The following DYRK4 variants were observed in gnomAD, a reference collection of about 807,000 sequenced individuals.
The protein encoded by DYRK4 is dual specificity tyrosine-phosphorylation-regulated kinase 4.
DYRK4 carries 64 observed loss-of-function variants against 68.3 expected under a neutral mutation model. The observed-to-expected ratio is 0.94, with a 90% confidence interval of 0.77 to 1.15. The LOEUF (loss-of-function observed/expected upper bound fraction) is 1.15, where lower values mean the gene tolerates loss of function less well. DYRK4 is among the 50% of genes most tolerant of loss of function. The pLI is 0.00. For synonymous variants in DYRK4, 274 were observed against 289.9 expected, an observed-to-expected ratio of 0.95 and a Z score of 0.56; for missense variants, 740 against 764.7, an observed-to-expected ratio of 0.97 and a Z score of 0.38.
At chr12:4,563,064 T>A (rs1565530046) in intron 1 of DYRK4, 1 of 456,046 alleles carries the variant, frequency 2.2e-6, no homozygotes, top group Admixed American at 2.3e-5. Context: ...CAGGCTTAAG[T>A]GGAGACTCGG....
In DYRK4 at chr12:4,599,125, A is replaced by T; in HGVS notation, c.1003A>T (p.Met335Leu). Residue 335 changes from methionine to leucine, a missense_variant, in exon 9 of 15, where the codon ATG (methionine) becomes TTG (leucine). Physicochemically the swap from Met to Leu is conservative, Grantham distance 15. This residue lies in a region of DYRK4 where 614 missense variants were observed against 603.7 expected (regional missense o/e 1.02). Coordinates refer to ENST00000543431, the MANE Select transcript of DYRK4 (RefSeq NM_001394779.1). ...FTLSVLKCLQ[M>L]LSVEKIIHCD... The stretch of plus-strand genomic sequence containing the variant: ...TCTCTCTGTTTTGAAGTGCTTGCAG[A>T]TGCTTTCGGTAGAGAAAATCATTCA... 6.2e-7 allele frequency: 1 copy of T among 1,614,146 alleles called. No individual in the cohort carries two copies. Among genetic ancestry groups the T allele is most frequent in the South Asian group, 1.1e-5 (1 of 91,078 alleles).
chr12:4,567,946 C>T lies in DYRK4; in HGVS notation c.39-9C>T, dbSNP rs748547911. On this transcript the variant is annotated splice_polypyrimidine_tract_variant and intron_variant, in intron 1 of 14. Coordinates refer to ENST00000543431, the MANE Select transcript of DYRK4 (RefSeq NM_001394779.1). Reference sequence around the variant, plus strand: ...CCTGCCAATTTATTTTTTACTTTCCCTCATGCAGGACTCAAATGGATGCTA... The same window carrying T: ...CCTGCCAATTTATTTTTTACTTTCCTTCATGCAGGACTCAAATGGATGCTA... 1.3e-6 allele frequency: 2 copies of T among 1,535,290 alleles called. No homozygotes were observed. Among genetic ancestry groups the T allele is most frequent in the East Asian group, 2.4e-5 (1 of 40,912 alleles).
chr12:4,569,271 TA>T (rs1218094133), intron 2 of DYRK4, among the ~76,000 whole-genome samples: 2 of 152,164 alleles, frequency 1.3e-5, no homozygotes, highest in Non-Finnish European at 2.9e-5. Context: ...TTTGATAAAA[TA>T]AAAATTACTG....
At chr12:4,589,840 A>G (rs1205452116) in intron 3 of DYRK4, among the ~76,000 whole-genome samples, 1 of 152,212 alleles carries the variant, frequency 6.6e-6, no homozygotes, top group Non-Finnish European at 1.5e-5. Context: ...GGTCAAGTCA[A>G]TAATGTAGTC....
chr12:4,568,243 T>A (rs929901732), intron 2 of DYRK4, among the ~76,000 whole-genome samples, 195 bp downstream of exon 2: 5 of 152,190 alleles, frequency 3.3e-5, no homozygotes, highest in Non-Finnish European at 7.3e-5. Context: ...GGCAAGGCCT[T>A]AATCTAACAG....
At chr12:4,590,810 C>T in intron 4 of DYRK4, 1 of 406,074 alleles carries the variant, frequency 2.5e-6, no homozygotes, top group East Asian at 3.9e-5. Context: ...GCGTCACACA[C>T]ACATAAGTCC....
chr12:4,580,634 C>G (rs1250115378), intron 2 of DYRK4, among the ~76,000 whole-genome samples: 2 of 152,156 alleles, frequency 1.3e-5, no homozygotes. Context: ...GAGTTTGTTT[C>G]TTTCTCCTGG....
intron 2 of DYRK4, among the ~76,000 whole-genome samples, chr12:4,584,344 T>C (rs1458645805): frequency 6.6e-6 from 1 of 152,182 alleles, no homozygotes; most frequent in East Asian, 1.9e-4. Context: ...AACTCAGTGA[T>C]TCTGTGCATC....
chr12:4,592,986 A>C lies in DYRK4; in HGVS notation c.464-16A>C. 6.2e-7 allele frequency: 1 copy of C among 1,610,390 alleles called. No individual in the cohort carries two copies. Among genetic ancestry groups the C allele is most frequent in the East Asian group, 2.2e-5 (1 of 44,812 alleles). ...CTGCCTCAACTGAACTCACAATTGT[A>C]GTGTTTTTCACACAGAGGCCCTAAA... On this transcript the variant is annotated splice_polypyrimidine_tract_variant and intron_variant, in intron 5 of 14. Coordinates refer to ENST00000543431, the MANE Select transcript of DYRK4 (RefSeq NM_001394779.1).
chr12:4,573,283 G>C (rs1944751201), intron 2 of DYRK4: 1 of 1,284,352 alleles, frequency 7.8e-7, no homozygotes, highest in Non-Finnish European at 1.0e-6. Context: ...GAATGGATTT[G>C]GGGTCCTGAA....
intron 2 of DYRK4, among the ~76,000 whole-genome samples, chr12:4,582,580 C>T (rs945550633): frequency 1.3e-5 from 2 of 152,152 alleles, no homozygotes; most frequent in Non-Finnish European, 2.9e-5. Context: ...CACAGGGTAG[C>T]GAGTGGCTTA....
Position 4,596,197 on chromosome 12 carries a change from G to C in DYRK4, c.676G>C (p.Gly226Arg), listed in dbSNP as rs1240571226. ...AYRYEVLETI[G>R]KGSFGQVAKC... ...CCGCTATGAAGTTCTGGAGACAATCGGGAAGGGGTCCTTTGGACAGGTGGC... is the reference window on the plus strand; with the variant it reads ...CCGCTATGAAGTTCTGGAGACAATCCGGAAGGGGTCCTTTGGACAGGTGGC... Residue 226 changes from glycine (G) to arginine (R), a missense_variant, in exon 7 of 15, where the codon GGG becomes CGG. Around this residue, in one of 3 missense-constraint regions of DYRK4, gnomAD observed 614 missense variants for 603.7 expected, o/e 1.02. Coordinates refer to ENST00000543431, the MANE Select transcript of DYRK4 (RefSeq NM_001394779.1). 6.2e-7 allele frequency: 1 copy of C among 1,614,164 alleles called. No individual in the cohort carries two copies. Among genetic ancestry groups the C allele is most frequent in the Non-Finnish European group, 8.5e-7 (1 of 1,180,026 alleles).
chr12:4,597,710 C>T (rs1945034189), intron 8 of DYRK4, among the ~76,000 whole-genome samples: 1 of 152,094 alleles, frequency 6.6e-6, no homozygotes, highest in Admixed American at 6.5e-5. Context: ...CAGGATGGGG[C>T]CAGAGCCAAG....
intron 12 of DYRK4, among the ~76,000 whole-genome samples, chr12:4,608,061 G>A (rs1291808239): frequency 6.6e-6 from 1 of 152,116 alleles, no homozygotes; most frequent in African/African-American, 2.4e-5. Context: ...TGGAAGGATG[G>A]GTCGACAAGG....
intron 6 of DYRK4, among the ~76,000 whole-genome samples, chr12:4,594,986 TG>T (rs1418115939): frequency 2.0e-5 from 3 of 152,260 alleles, no homozygotes; most frequent in African/African-American, 4.8e-5. Flanking sequence ...AAATGGTTTT[TG>T]CTTCAAGTAA....
intron 2 of DYRK4, among the ~76,000 whole-genome samples, chr12:4,571,689 TTA>T (rs780702466): frequency 6.6e-6 from 1 of 152,252 alleles, no homozygotes; most frequent in African/African-American, 2.4e-5. Flanking sequence ...TTTTATATGT[TTA>T]TATGTTAAAA....
At chr12:4,582,997 G>A (rs1312325586) in intron 2 of DYRK4, among the ~76,000 whole-genome samples, 1 of 152,204 alleles carries the variant, frequency 6.6e-6, no homozygotes, top group Non-Finnish European at 1.5e-5. Flanking sequence ...CGGAGAGGCA[G>A]GAAAACTGCT....
Position 4,592,896 on chromosome 12 carries a change from G to A in DYRK4, c.464-106G>A, listed in dbSNP as rs1174561798. ...GGTCCTCAGTGAGCCACCCAGCTGG[G>A]GAACAGGCTGATGGCTCGTGACCTG... On this transcript the variant is annotated intron_variant, in intron 5 of 14. Transcript: ENST00000543431. 3 of 1,411,634 alleles carry A rather than the reference G, an allele frequency of 2.1e-6. No individual in the cohort carries two copies. The Admixed American group carries it at 6.6e-5, about 31-fold the overall frequency. The allele number at this position is 1,411,634 out of a possible 1,614,324, so 87.4% of individuals were successfully genotyped here.
intron 2 of DYRK4, among the ~76,000 whole-genome samples, chr12:4,571,864 A>G (rs1203953547): frequency 6.6e-6 from 1 of 152,246 alleles, no homozygotes; most frequent in Non-Finnish European, 1.5e-5. Flanking sequence ...ACACTGCACA[A>G]TGGCAAAGGT....
Sources: allele counts gnomAD v4.1 joint callset (sites outside exome capture counted in the v4.1 genomes callset), GRCh38; gene constraint gnomAD v4.1.1; regional missense constraint gnomAD v4.1.1; transcripts MANE v1.5; gene names NCBI Gene and HGNC (gene_info 2026-07-23, HGNC 2026-07-21).